PKIA: variants seen among roughly 807,000 people sequenced by gnomAD.
PKIA encodes PKI-alpha.
A neutral mutation model predicts 7.6 loss-of-function variants in PKIA; 4 were observed. That is an observed-to-expected ratio of 0.52 (90% CI 0.26 to 1.20). The LOEUF (loss-of-function observed/expected upper bound fraction) is 1.20. Ranked by LOEUF, PKIA falls within the 50% of genes most tolerant of loss-of-function variation. The pLI, the probability that PKIA is intolerant of heterozygous loss-of-function variation, is 0.13. For missense variants in PKIA, 73 were observed against 86.2 expected (o/e 0.85, Z 0.61); for synonymous variants, 21 against 30.7 (o/e 0.68, Z 1.04).
intron 1 of PKIA, among the ~76,000 whole-genome samples, chr8:78,551,427 T>C (rs16905770): frequency 0.034 from 5,105 of 151,988 alleles, 94 homozygotes; most frequent in African/African-American, 0.041. Flanking sequence ...ACTGACAGAG[T>C]AGCCATATAG....
intron 2 of PKIA, among the ~76,000 whole-genome samples, chr8:78,595,959 C>T (rs531886240): frequency 7.2e-4 from 109 of 152,242 alleles, no homozygotes; most frequent in African/African-American, 1.9e-3. Flanking sequence ...CTTTCCACAG[C>T]GGCTGAACTA....
chr8:78,555,974 G>A (rs1194797157), intron 1 of PKIA, among the ~76,000 whole-genome samples: 1 of 152,036 alleles, frequency 6.6e-6, no homozygotes, highest in East Asian at 1.9e-4. Context: ...GACACAAACA[G>A]GTAATACTAT....
chr8:78,598,616 C>A, intron 3 of PKIA, 81 bp downstream of exon 3: 2 of 1,118,228 alleles, frequency 1.8e-6, no homozygotes, highest in Non-Finnish European at 2.6e-6. Context: ...GCACGAAAAG[C>A]CATCTTTGAA....
At chr8:78,542,553 A>G (rs904571958) in intron 1 of PKIA, among the ~76,000 whole-genome samples, 5 of 152,188 alleles carry the variant, frequency 3.3e-5, no homozygotes, top group African/African-American at 1.2e-4. Context: ...GCAAATTAAT[A>G]TATTGTTAAT....
intron 1 of PKIA, 133 bp from the exon 2 acceptor site, chr8:78,572,678 A>T (rs1265682116): frequency 6.6e-6 from 1 of 151,628 alleles, no homozygotes; most frequent in Non-Finnish European, 1.5e-5. Flanking sequence ...GAGAATTCAT[A>T]CTCATAACCA....
chr8:78,602,718 A>ATATATATATATATATATATATATAT lies in PKIA; in HGVS notation c.*897_*898insTATATATATATATATATATATATAT, dbSNP rs1808381705. The ATATATATATATATATATATATATAT allele has an allele frequency of 7.8e-6, 1 of 128,420 alleles. No homozygotes were observed. Among genetic ancestry groups the ATATATATATATATATATATATATAT allele is most frequent in the Non-Finnish European group, 1.7e-5 (1 of 60,034 alleles). 8.0% of individuals were successfully genotyped at this position (128,420 alleles called of 1,614,324 possible). On this transcript the variant is annotated 3_prime_UTR_variant, in exon 4 of 4. Coordinates refer to ENST00000396418, the MANE Select transcript of PKIA (RefSeq NM_006823.4). ...TAATATATATATATATATATATTTT[A>ATATATATATATATATATATATATAT]ATTTATGAGAATTTTGGACAATTGG...
rs913359001 is a variant in PKIA at position 78,551,529 on chromosome 8, T to C, written c.-156-21282T>C. 6.6e-5 allele frequency among the ~76,000 whole-genome samples: 10 copies of C among 152,088 alleles called. No individual in the cohort carries two copies. The East Asian group carries it at 1.5e-3, about 23-fold the overall frequency. ...CTGTAATCGTTTAATTTTTAGAGAA[T>C]AGAAGAAACAGAACTTTTAACTTTA... On this transcript the variant is annotated intron_variant, in intron 1 of 3. Transcript: ENST00000396418.
At chr8:78,540,044 T>A (rs946768653) in intron 1 of PKIA, among the ~76,000 whole-genome samples, 1 of 151,844 alleles carries the variant, frequency 6.6e-6, no homozygotes, top group Non-Finnish European at 1.5e-5. Flanking sequence ...CAAGTTCATT[T>A]TCTTCTTACA....
chr8:78,559,470 A>G (rs1418853983), intron 1 of PKIA, among the ~76,000 whole-genome samples: 2 of 152,210 alleles, frequency 1.3e-5, no homozygotes, highest in Non-Finnish European at 2.9e-5. Flanking sequence ...TAACCTAAAA[A>G]GTGTGGTTTT....
At chr8:78,566,409 A>G (rs1004943796) in intron 1 of PKIA, among the ~76,000 whole-genome samples, 3 of 152,088 alleles carry the variant, frequency 2.0e-5, no homozygotes, top group African/African-American at 4.8e-5. Flanking sequence ...AAAATGTTTC[A>G]TAAATCTAGC....
chr8:78,592,394 T>C (rs978919461), intron 2 of PKIA, among the ~76,000 whole-genome samples: 1 of 152,136 alleles, frequency 6.6e-6, no homozygotes, highest in Non-Finnish European at 1.5e-5. Flanking sequence ...ATTTCTATTA[T>C]AATAATTATA....
chr8:78,571,668 T>G (rs1807551284), intron 1 of PKIA, among the ~76,000 whole-genome samples: 1 of 152,136 alleles, frequency 6.6e-6, no homozygotes, highest in East Asian at 1.9e-4. Context: ...CTTTCTTTCA[T>G]GCCTCTATTC....
At chr8:78,590,661 T>C (rs1249034254) in intron 2 of PKIA, among the ~76,000 whole-genome samples, 1 of 151,990 alleles carries the variant, frequency 6.6e-6, no homozygotes, top group Non-Finnish European at 1.5e-5. Flanking sequence ...TTTTTTTGCT[T>C]TGGAGAATAT....
rs75974724 is a variant in PKIA at position 78,598,268 on chromosome 8, A to G, written c.-27-90A>G. The G allele has an allele frequency of 9.0e-4, 649 of 717,508 alleles. 6 individuals carry two copies. The East Asian group carries it at 0.018, about 20-fold the overall frequency. The allele number at this position is 717,508 out of a possible 1,614,324, so 44.4% of individuals were successfully genotyped here. Reference sequence around the variant, plus strand: ...GTTTTGTGAACTTGTAAACAGGACAATTGTTTCACATTCATATACTAAGTC... The same window carrying G: ...GTTTTGTGAACTTGTAAACAGGACAGTTGTTTCACATTCATATACTAAGTC... On this transcript the variant is annotated intron_variant, in intron 2 of 3. Transcript: ENST00000396418.
chr8:78,598,298 G>C, intron 2 of PKIA, 60 bp from the exon 3 acceptor site: 1 of 1,048,712 alleles, frequency 9.5e-7, no homozygotes, highest in South Asian at 1.6e-5. Context: ...TAAGTCGGTA[G>C]TTAAATGTTT....
chr8:78,551,373 G>A (rs1030391963), intron 1 of PKIA, among the ~76,000 whole-genome samples: 3 of 151,914 alleles, frequency 2.0e-5, no homozygotes, highest in Admixed American at 1.3e-4. Context: ...ATAGTCCTTC[G>A]TCTGGAAGAA....
At chr8:78,525,011 T>C (rs978014261) in intron 1 of PKIA, among the ~76,000 whole-genome samples, 1 of 151,714 alleles carries the variant, frequency 6.6e-6, no homozygotes, top group Non-Finnish European at 1.5e-5. Context: ...GTGGTAGGAG[T>C]AAATTATGGA....
At chr8:78,539,765 C>T (rs887362188) in intron 1 of PKIA, among the ~76,000 whole-genome samples, 1 of 151,944 alleles carries the variant, frequency 6.6e-6, no homozygotes, top group Non-Finnish European at 1.5e-5. Context: ...GAAATCCTCA[C>T]ATTAGAATTA....
intron 1 of PKIA, among the ~76,000 whole-genome samples, chr8:78,561,678 T>C (rs925356329): frequency 6.6e-6 from 1 of 152,158 alleles, no homozygotes; most frequent in Admixed American, 6.6e-5. Context: ...TGTCAAACTT[T>C]CTGAGTCCAA....
Sources: gnomAD v4.1 joint callset for allele counts (sites outside exome capture counted in the v4.1 genomes callset) on GRCh38, gnomAD v4.1.1 for gene constraint, MANE v1.5 for transcripts, NCBI Gene and HGNC (gene_info 2026-07-23, HGNC 2026-07-21) for gene names.